The following DENND1A variants were observed in gnomAD, a reference collection of about 807,000 sequenced individuals.
DENND1A encodes DENN domain containing 1A.
Under a neutral mutation model 113.7 loss-of-function variants are expected in DENND1A, and 51 were observed. That is an observed-to-expected ratio of 0.45 (90% CI 0.36 to 0.57). DENND1A has a LOEUF of 0.57. Among genes scored for constraint, DENND1A ranks in the 20% least tolerant of loss-of-function variants. The pLI is 0.00. For missense variants in DENND1A, 1,258 were observed against 1,395.9 expected (o/e 0.90, Z 1.57); for synonymous variants, 565 against 570.8 (o/e 0.99, Z 0.14).
At position 123,885,043 on chromosome 9, in the gene DENND1A, TCACA is replaced by T. The variant is rs142957264; in HGVS notation, c.18-6026_18-6023del. 1.1e-4 allele frequency among the ~76,000 whole-genome samples: 17 copies of T among 148,558 alleles called. No homozygotes were observed. The East Asian group carries it at 2.2e-3, about 19-fold the overall frequency. Reference sequence around the variant, plus strand: ...CACACACACACACTCACTCTCTCTCTCACACACACACACACAGACGCACGCACAC... The same window carrying T: ...CACACACACACACTCACTCTCTCTCTCACACACACACAGACGCACGCACAC... On this transcript the variant is annotated intron_variant, in intron 1 of 23. Transcript: ENST00000394215.
chr9:123,410,553 A>G (rs1450437572), intron 20 of DENND1A, among the ~76,000 whole-genome samples: 2 of 152,206 alleles, frequency 1.3e-5, no homozygotes, highest in Non-Finnish European at 2.9e-5. Context: ...CCAGCCTCCC[A>G]TCTAGCCCTC....
At chr9:123,715,932 T>A (rs2066948039) in intron 5 of DENND1A, among the ~76,000 whole-genome samples, 2 of 151,994 alleles carry the variant, frequency 1.3e-5, no homozygotes, top group Non-Finnish European at 2.9e-5. Flanking sequence ...CACCTCAGCC[T>A]CCCAAAGTGC....
chr9:123,569,269 G>A lies in DENND1A; in HGVS notation c.868-11574C>T, dbSNP rs553805833. Among the ~76,000 whole-genome samples the A allele has an allele frequency of 6.6e-5, 10 of 152,252 alleles. No individual in the cohort carries two copies. In the South Asian group the frequency reaches 1.4e-3, roughly 22 times the overall value. On this transcript the variant is annotated intron_variant, in intron 12 of 23. Coordinates refer to ENST00000394215, the MANE Select transcript of DENND1A (RefSeq NM_001352964.2). ...TCGCTGGCAGCACTTCCTCCACCAC[G>A]AGCCAAACATCCTCAAAGATAAAAT... is the stretch of plus-strand genomic sequence containing the variant.
At chr9:123,786,426 T>G (rs980119080) in intron 3 of DENND1A, among the ~76,000 whole-genome samples, 3 of 152,228 alleles carry the variant, frequency 2.0e-5, no homozygotes, top group East Asian at 1.9e-4. Flanking sequence ...CACTTTCAAG[T>G]GTTGTGGCCA....
rs2045382138 is a variant in DENND1A, at chr9:123,422,474, T to C, written c.1489-10645A>G. Among the ~76,000 whole-genome samples the C allele has an allele frequency of 6.6e-6, 1 of 152,026 alleles. No individual in the cohort carries two copies. Among genetic ancestry groups the C allele is most frequent in the African/African-American group, 2.4e-5 (1 of 41,378 alleles). ...TCCCAAAATTTCCCTAGTGTGTCTG[T>C]TAAAGAAAGATAGTCAGGTTCACCA... On this transcript the variant is annotated intron_variant, in intron 19 of 23. Coordinates refer to ENST00000394215, the MANE Select transcript of DENND1A (RefSeq NM_001352964.2). This position sits in a 1 kb window ranked among gnomAD's most constrained non-coding sequence, Gnocchi z 4.8.
intron 2 of DENND1A, among the ~76,000 whole-genome samples, chr9:123,847,110 T>C (rs1332201725): frequency 6.6e-6 from 1 of 152,200 alleles, no homozygotes; most frequent in Non-Finnish European, 1.5e-5. Context: ...CCCAAAGTGC[T>C]AGGTTACTGG....
At chr9:123,822,672 C>T (rs1225726576) in intron 2 of DENND1A, among the ~76,000 whole-genome samples, 2 of 152,192 alleles carry the variant, frequency 1.3e-5, no homozygotes, top group Non-Finnish European at 2.9e-5. Flanking sequence ...TTAACCATTG[C>T]CCACATTAAG....
In DENND1A at chr9:123,723,602, G is replaced by A. The variant is rs570232918; in HGVS notation, c.302+34101C>T. On this transcript the variant is annotated intron_variant, in intron 5 of 23. Coordinates refer to ENST00000394215, the MANE Select transcript of DENND1A (RefSeq NM_001352964.2). ...ATGCTGTTCTCGTGACAATGAATAA[G>A]TCTCATGAAATCTGATGGCCTTAAA... Among the ~76,000 whole-genome samples the A allele has an allele frequency of 7.3e-4, 111 of 152,244 alleles. 4 individuals are homozygous for A. The highest frequency in any genetic ancestry group is 6.7e-3 in the Admixed American group (103 of 15,284).
At chr9:123,676,659 T>A in intron 6 of DENND1A, 61 bp downstream of exon 6, 15 of 1,526,088 alleles carry the variant, frequency 9.8e-6, no homozygotes, top group Non-Finnish European at 1.3e-5. Flanking sequence ...CATGTTTTAC[T>A]TTTTCATCAT....
intron 5 of DENND1A, among the ~76,000 whole-genome samples, chr9:123,755,811 C>T (rs2070490878): frequency 6.6e-6 from 1 of 152,210 alleles, no homozygotes; most frequent in South Asian, 2.1e-4. Context: ...GTATATAAGA[C>T]ATGCAACATA....
intron 19 of DENND1A, among the ~76,000 whole-genome samples, chr9:123,421,595 G>A (rs1412353102): frequency 1.3e-5 from 2 of 152,174 alleles, no homozygotes; most frequent in Non-Finnish European, 2.9e-5. Flanking sequence ...CCTACTCAGT[G>A]AGAATTTGCT....
intron 13 of DENND1A, among the ~76,000 whole-genome samples, chr9:123,462,298 C>G (rs2048589959): frequency 6.6e-6 from 1 of 152,248 alleles, no homozygotes; most frequent in Non-Finnish European, 1.5e-5. Context: ...AAATTACACT[C>G]AAATTTTACA....
intron 9 of DENND1A, among the ~76,000 whole-genome samples, chr9:123,638,338 A>AT (rs1350588634): frequency 2.6e-5 from 4 of 152,182 alleles, no homozygotes; most frequent in African/African-American, 9.6e-5. Flanking sequence ...GCAGGGTTAC[A>AT]TGGGGGACTG....
At chr9:123,856,506 A>C (rs1844225352) in intron 2 of DENND1A, among the ~76,000 whole-genome samples, 1 of 152,146 alleles carries the variant, frequency 6.6e-6, no homozygotes, top group Non-Finnish European at 1.5e-5. Flanking sequence ...AAGCGTGTCC[A>C]TGTTAAAAGA....
intron 3 of DENND1A, among the ~76,000 whole-genome samples, chr9:123,780,694 A>T (rs1831175472): frequency 1.3e-5 from 2 of 152,198 alleles, no homozygotes; most frequent in African/African-American, 2.4e-5. Flanking sequence ...AATAACATGA[A>T]TTATATATAT....
At chr9:123,485,358 T>A (rs752745983) in intron 13 of DENND1A, among the ~76,000 whole-genome samples, 7 of 152,214 alleles carry the variant, frequency 4.6e-5, no homozygotes, top group Admixed American at 4.6e-4. Context: ...TATTTTTGCC[T>A]CTTATTCCAA....
At chr9:123,770,834 A>C (rs930008791) in intron 3 of DENND1A, among the ~76,000 whole-genome samples, 1 of 152,218 alleles carries the variant, frequency 6.6e-6, no homozygotes, top group Non-Finnish European at 1.5e-5. Context: ...TGCTAACTGA[A>C]TTGATGCTTC....
intron 2 of DENND1A, among the ~76,000 whole-genome samples, chr9:123,796,778 C>CAA (rs1007203134): frequency 6.6e-6 from 1 of 151,990 alleles, no homozygotes; most frequent in Non-Finnish European, 1.5e-5. Flanking sequence ...CACACACACA[C>CAA]ACACACACAC....
At chr9:123,553,198 C>T (rs938272061) in intron 13 of DENND1A, among the ~76,000 whole-genome samples, 1 of 152,150 alleles carries the variant, frequency 6.6e-6, no homozygotes, top group Non-Finnish European at 1.5e-5. Context: ...TTGAGGCTGC[C>T]ATGAGCCATG....
Sources: gnomAD v4.1 joint callset for allele counts (sites outside exome capture counted in the v4.1 genomes callset) on GRCh38, gnomAD v4.1.1 for gene constraint, Gnocchi (gnomAD v3.1) non-coding constraint, MANE v1.5 for transcripts, NCBI Gene and HGNC (gene_info 2026-07-23, HGNC 2026-07-21) for gene names.